The following ADAT3 variants were observed in gnomAD, a reference collection of about 807,000 sequenced individuals.
ADAT3 encodes the protein adenosine deaminase tRNA specific 3.
A neutral mutation model predicts 3.5 loss-of-function variants in ADAT3; 2 were observed. That is an observed-to-expected ratio of 0.57 (90% CI 0.23 to 1.79). ADAT3 has a LOEUF of 1.79. ADAT3 is among the 40% of genes most tolerant of loss of function. The pLI, the probability that ADAT3 is intolerant of heterozygous loss-of-function variation, is 0.18. For missense variants in ADAT3, 735 were observed against 571.4 expected (o/e 1.29, Z -2.92); for synonymous variants, 358 against 270.3 (o/e 1.32, Z -3.18).
chr19:1,910,293 G>A (rs144964189), intron 1 of ADAT3, among the ~76,000 whole-genome samples: 45 of 152,292 alleles, frequency 3.0e-4, no homozygotes, highest in Non-Finnish European at 4.3e-4. Context: ...GCTTGCGGCC[G>A]GGGGACCAAG....
chr19:1,909,734 C>T (rs997802832), intron 1 of ADAT3, among the ~76,000 whole-genome samples: 5 of 152,210 alleles, frequency 3.3e-5, no homozygotes, highest in Non-Finnish European at 7.3e-5. Flanking sequence ...CCCAGCTCTT[C>T]CCGCAGCCCC....
rs890218041 is a variant in ADAT3 at position 1,908,063 on chromosome 19, G to A, written c.-159+2624G>A. ...AGGTTGTACTCTTGGAGGGACAAGCGAGGCTGTGTTTGTCTTTTACCCTGG... is the reference window on the plus strand; with the variant it reads ...AGGTTGTACTCTTGGAGGGACAAGCAAGGCTGTGTTTGTCTTTTACCCTGG... On this transcript the variant is annotated intron_variant, in intron 1 of 1. Transcript: ENST00000329478. This position sits in a 1 kb window ranked among gnomAD's most constrained non-coding sequence, Gnocchi z 4.2. 1.7e-5 allele frequency: 3 copies of A among 171,500 alleles called. No homozygotes were observed. Among genetic ancestry groups the A allele is most frequent in the East Asian group, 1.8e-4 (1 of 5,444 alleles). 10.6% of individuals were successfully genotyped at this position (171,500 alleles called of 1,614,324 possible). A position where few individuals can be genotyped will look rare whatever the true frequency, so the allele number is the denominator to read the frequency against.
At position 1,912,920 on chromosome 19, in the gene ADAT3, C is replaced by T. The variant is rs769642575; in HGVS notation, c.873C>T (p.Leu291=). 2 of 1,610,010 alleles carry T rather than the reference C, an allele frequency of 1.2e-6. No homozygotes were observed. Among genetic ancestry groups the T allele is most frequent in the Non-Finnish European group, 1.7e-6 (2 of 1,179,322 alleles). Residue 291 remains leucine, a synonymous_variant, in exon 2 of 2, where the codon CTC becomes CTT. Transcript: ENST00000329478. The part of the protein sequence containing the change: ...VRKLDADEDG[L]PYLCTGYDLY... ...AACTGGACGCAGACGAGGACGGCCTCCCCTACCTGTGCACTGGCTACGACC... is the reference window on the plus strand; with the variant it reads ...AACTGGACGCAGACGAGGACGGCCTTCCCTACCTGTGCACTGGCTACGACC...
chr19:1,913,230 TCCGC>T lies in ADAT3; in HGVS notation c.*80_*83del. On this transcript the variant is annotated 3_prime_UTR_variant, in exon 2 of 2. Transcript: ENST00000329478. ...CCTGGACTTCCGGGCCTCGATTTCT[TCCGC>T]ACAAGCCTGACCGTGGATTTCAGGG... The T allele has an allele frequency of 6.9e-7, 1 of 1,453,142 alleles. No individual in the cohort carries two copies. Among genetic ancestry groups the T allele is most frequent in the African/African-American group, 1.4e-5 (1 of 70,082 alleles). The allele number at this position is 1,453,142 out of a possible 1,614,324, so 90.0% of individuals were successfully genotyped here.
Position 1,911,882 on chromosome 19 carries a change from C to A in ADAT3, c.-158-8C>A. The A allele has an allele frequency of 1.3e-6, 1 of 779,156 alleles. No individual in the cohort carries two copies. The highest frequency in any genetic ancestry group is 1.8e-6 in the Non-Finnish European group (1 of 547,702). 48.3% of individuals were successfully genotyped at this position (779,156 alleles called of 1,614,324 possible). ...AACCAATGGCTGTTTAAACTCTGTG[C>A]ACACCAGGGGTTAGCAGGACATGAG... On this transcript the variant is annotated splice_region_variant and splice_polypyrimidine_tract_variant and intron_variant, in intron 1 of 1. Transcript: ENST00000329478.
Position 1,912,340 on chromosome 19 carries a change from G to C in ADAT3, c.293G>C (p.Arg98Pro), listed in dbSNP as rs1381670425. 8 of 1,533,842 alleles carry C rather than the reference G, an allele frequency of 5.2e-6. No individual in the cohort carries two copies. Among genetic ancestry groups the C allele is most frequent in the Non-Finnish European group, 7.0e-6 (8 of 1,148,142 alleles). ...CACCTCAAGCGGGTGCGGCCCAGCCGCGATGCCGGCAGCCCCCACGCCCTG... is the reference window on the plus strand; with the variant it reads ...CACCTCAAGCGGGTGCGGCCCAGCCCCGATGCCGGCAGCCCCCACGCCCTG... ...QPHLKRVRPS[R>P]DAGSPHALEM... Residue 98 changes from arginine to proline, a missense_variant, in exon 2 of 2, where the codon CGC becomes CCC. Coordinates refer to ENST00000329478, the MANE Select transcript of ADAT3 (RefSeq NM_138422.4).
rs752759753 is a variant in ADAT3 at position 1,908,528 on chromosome 19, C to T, written c.-159+3089C>T. ...TACCAGCGGGGATGTGTAGTCCAGG[C>T]TGGCAGTTCAGGATCACCCGGCTGG... On this transcript the variant is annotated intron_variant, in intron 1 of 1. Transcript: ENST00000329478. The surrounding 1 kb of genome is among the most constrained non-coding windows in gnomAD (Gnocchi z 4.2). 4 of 471,138 alleles carry T rather than the reference C, an allele frequency of 8.5e-6. No individual in the cohort carries two copies. In the East Asian group the frequency reaches 2.8e-4, roughly 33 times the overall value. The allele number at this position is 471,138 out of a possible 1,614,324, so 29.2% of individuals were successfully genotyped here. A position where few individuals can be genotyped will look rare whatever the true frequency, so the allele number is the denominator to read the frequency against.
In ADAT3 at chr19:1,913,391, C is replaced by T. The variant is rs1415779005; in HGVS notation, c.*240C>T. The T allele has an allele frequency of 1.9e-5, 12 of 617,818 alleles. No individual in the cohort carries two copies. Among genetic ancestry groups the T allele is most frequent in the Admixed American group, 1.6e-4 (5 of 30,804 alleles). The allele number at this position is 617,818 out of a possible 1,614,324, so 38.3% of individuals were successfully genotyped here. On this transcript the variant is annotated 3_prime_UTR_variant, in exon 2 of 2. Coordinates refer to ENST00000329478, the MANE Select transcript of ADAT3 (RefSeq NM_138422.4). ...GCCGCCCTTGCTGCGTTTGTGTCCC[C>T]TCTGTCTCGCGGGCCGGGAAACTGC...
intron 1 of ADAT3, among the ~76,000 whole-genome samples, chr19:1,907,500 G>A (rs1441979711): frequency 1.3e-5 from 2 of 152,136 alleles, no homozygotes; most frequent in Non-Finnish European, 2.9e-5. Context: ...AATTGACCGC[G>A]CTGGGCTGAA....
In ADAT3 at chr19:1,913,369, G is replaced by T; in HGVS notation, c.*218G>T. ...GTGCCAGCGGTGCCCTTCTGCGGCC[G>T]CCCTTGCTGCGTTTGTGTCCCCTCT... On this transcript the variant is annotated 3_prime_UTR_variant, in exon 2 of 2. Coordinates refer to ENST00000329478, the MANE Select transcript of ADAT3 (RefSeq NM_138422.4). The T allele has an allele frequency of 1.5e-6, 1 of 682,784 alleles. No individual in the cohort carries two copies. Among genetic ancestry groups the T allele is most frequent in the African/African-American group, 1.9e-5 (1 of 53,818 alleles). 42.3% of individuals were successfully genotyped at this position (682,784 alleles called of 1,614,324 possible).
In ADAT3 at chr19:1,911,944, C is replaced by A; in HGVS notation, c.-104C>A. On this transcript the variant is annotated 5_prime_UTR_variant, in exon 2 of 2. Coordinates refer to ENST00000329478, the MANE Select transcript of ADAT3 (RefSeq NM_138422.4). Reference sequence around the variant, plus strand: ...CTGATGCGGTGACCTGGGCCGGAGCCCTCGGACTAGCCTCAGCTTTGGTGG... The same window carrying A: ...CTGATGCGGTGACCTGGGCCGGAGCACTCGGACTAGCCTCAGCTTTGGTGG... 7.3e-7 allele frequency: 1 copy of A among 1,376,252 alleles called. No homozygotes were observed. Among genetic ancestry groups the A allele is most frequent in the Non-Finnish European group, 9.4e-7 (1 of 1,063,436 alleles). 85.3% of individuals were successfully genotyped at this position (1,376,252 alleles called of 1,614,324 possible).
At chr19:1,909,634 G>A (rs2013330963) in intron 1 of ADAT3, among the ~76,000 whole-genome samples, 2 of 152,046 alleles carry the variant, frequency 1.3e-5, no homozygotes, top group Non-Finnish European at 1.5e-5. Flanking sequence ...TAACAGTGCT[G>A]GTGATGTCAG....
At position 1,913,311 on chromosome 19, in the gene ADAT3, A is replaced by C. The variant is rs978775318; in HGVS notation, c.*160A>C. ...CGGGTGCTGCCTTCCGTGCGGATCG[A>C]GCTTTCCTGGACTCGGTCATTGGGG... On this transcript the variant is annotated 3_prime_UTR_variant, in exon 2 of 2. Transcript: ENST00000329478. The C allele has an allele frequency of 2.8e-5, 32 of 1,157,142 alleles. No homozygotes were observed. The highest frequency in any genetic ancestry group is 3.0e-4 in the Middle Eastern group (1 of 3,378). 71.7% of individuals were successfully genotyped at this position (1,157,142 alleles called of 1,614,324 possible).
Position 1,912,077 on chromosome 19 carries a change from A to C in ADAT3, c.30A>C (p.Pro10=). The C allele has an allele frequency of 6.9e-7, 1 of 1,452,012 alleles. No homozygotes were observed. The allele number at this position is 1,452,012 out of a possible 1,614,324, so 89.9% of individuals were successfully genotyped here. A position where few individuals can be genotyped will look rare whatever the true frequency, so the allele number is the denominator to read the frequency against. Residue 10 remains proline (P), a synonymous_variant, in exon 2 of 2, where the codon CCA becomes CCC. Coordinates refer to ENST00000329478, the MANE Select transcript of ADAT3 (RefSeq NM_138422.4). MILCSRLCL[P]QSASLRMEPA... is the part of the protein sequence containing the mutation. ...TCCTCTGCTCCCGTCTCTGTCTCCCACAGTCGGCCTCGCTGAGGATGGAGC... is the reference window on the plus strand; with the variant it reads ...TCCTCTGCTCCCGTCTCTGTCTCCCCCAGTCGGCCTCGCTGAGGATGGAGC...
At chr19:1,905,776 G>C (rs992751172) in intron 1 of ADAT3, 1 of 152,410 alleles carries the variant, frequency 6.6e-6, no homozygotes, top group Non-Finnish European at 1.5e-5. Context: ...CCTTCCTCAG[G>C]TCATGTCCCG....
At position 1,913,243 on chromosome 19, in the gene ADAT3, G is replaced by A; in HGVS notation, c.*92G>A. 1.4e-6 allele frequency: 2 copies of A among 1,440,106 alleles called. No homozygotes were observed. Among genetic ancestry groups the A allele is most frequent in the Non-Finnish European group, 1.8e-6 (2 of 1,092,704 alleles). The allele number at this position is 1,440,106 out of a possible 1,614,324, so 89.2% of individuals were successfully genotyped here. On this transcript the variant is annotated 3_prime_UTR_variant, in exon 2 of 2. Coordinates refer to ENST00000329478, the MANE Select transcript of ADAT3 (RefSeq NM_138422.4). ...GCCTCGATTTCTTCCGCACAAGCCT[G>A]ACCGTGGATTTCAGGGACACATACC... is the stretch of plus-strand genomic sequence containing the variant.
At chr19:1,905,601 T>C (rs2013062119) in intron 1 of ADAT3, 162 bp downstream of exon 1, 1 of 165,218 alleles carries the variant, frequency 6.1e-6, no homozygotes, top group African/African-American at 2.5e-5. Flanking sequence ...GGCGGGCCGG[T>C]GGGCGACGCG....
rs1029494617 is a variant in ADAT3, at chr19:1,908,406, C to T, written c.-159+2967C>T. 6.8e-6 allele frequency: 3 copies of T among 441,754 alleles called. No homozygotes were observed. The highest frequency in any genetic ancestry group is 1.4e-5 in the Non-Finnish European group (3 of 211,170). 27.4% of individuals were successfully genotyped at this position (441,754 alleles called of 1,614,324 possible). A position where few individuals can be genotyped will look rare whatever the true frequency, so the allele number is the denominator to read the frequency against. Reference sequence around the variant, plus strand: ...CTGTGGGGCGCCCCGGCGGCTGAGGCGTGGACCAGGCAGTGCATGTCGAGG... The same window carrying T: ...CTGTGGGGCGCCCCGGCGGCTGAGGTGTGGACCAGGCAGTGCATGTCGAGG... On this transcript the variant is annotated intron_variant, in intron 1 of 1. Coordinates refer to ENST00000329478, the MANE Select transcript of ADAT3 (RefSeq NM_138422.4). The surrounding 1 kb of genome is among the most constrained non-coding windows in gnomAD (Gnocchi z 4.2).
Position 1,908,479 on chromosome 19 carries a change from C to CCTGTCTG in ADAT3, c.-159+3042_-159+3048dup, listed in dbSNP as rs1568760172. 2.1e-6 allele frequency: 1 copy of CCTGTCTG among 470,992 alleles called. No individual in the cohort carries two copies. Among genetic ancestry groups the CCTGTCTG allele is most frequent in the Non-Finnish European group, 4.4e-6 (1 of 227,000 alleles). The allele number at this position is 470,992 out of a possible 1,614,324, so 29.2% of individuals were successfully genotyped here. A position where few individuals can be genotyped will look rare whatever the true frequency, so the allele number is the denominator to read the frequency against. On this transcript the variant is annotated intron_variant, in intron 1 of 1. Transcript: ENST00000329478. The surrounding 1 kb of genome is among the most constrained non-coding windows in gnomAD (Gnocchi z 4.2). Reference sequence around the variant, plus strand: ...CTGCGAAATGATCCAGAGACACATCCCTGTCTGCGGGAGGAGCCGTCCATA... The same window carrying CCTGTCTG: ...CTGCGAAATGATCCAGAGACACATCCCTGTCTGCTGTCTGCGGGAGGAGCCGTCCATA...
Sources: gnomAD v4.1 joint callset for allele counts (sites outside exome capture counted in the v4.1 genomes callset) on GRCh38, gnomAD v4.1.1 for gene constraint, Gnocchi (gnomAD v3.1) non-coding constraint, MANE v1.5 for transcripts, NCBI Gene and HGNC (gene_info 2026-07-23, HGNC 2026-07-21) for gene names.